The following PCDHGA8 variants were observed in gnomAD, a reference collection of about 807,000 sequenced individuals.
PCDHGA8 encodes the protein protocadherin gamma subfamily A, 8, also known as protocadherin gamma-A8.
A neutral mutation model predicts 59.2 loss-of-function variants in PCDHGA8; 45 were observed. The observed-to-expected ratio is 0.76, with a 90% CI of 0.60 to 0.98. The LOEUF (loss-of-function observed/expected upper bound fraction) is 0.98. Among genes scored for constraint, PCDHGA8 ranks in the 50% least tolerant of loss-of-function variants. PCDHGA8 has a pLI of 0.00. For missense variants in PCDHGA8, 1,257 were observed against 1,196.2 expected (o/e 1.05, Z -0.75); for synonymous variants, 531 against 519.0 (o/e 1.02, Z -0.32).
chr5:141,450,071 A>G (rs1039802551), intron 1 of PCDHGA8, among the ~76,000 whole-genome samples: 3 of 139,286 alleles, frequency 2.2e-5, no homozygotes, highest in Non-Finnish European at 3.0e-5. Flanking sequence ...CAGTGGTATG[A>G]TCTTGGCTCA....
At chr5:141,444,434 G>A (rs761353277) in intron 1 of PCDHGA8, among the ~76,000 whole-genome samples, 16 of 152,196 alleles carry the variant, frequency 1.1e-4, no homozygotes, top group Admixed American at 7.2e-4. Flanking sequence ...GCCTCCCAAA[G>A]TGCTGGGATT....
At chr5:141,474,159 G>A (rs2154571930) in intron 1 of PCDHGA8, among the ~76,000 whole-genome samples, 1 of 152,226 alleles carries the variant, frequency 6.6e-6, no homozygotes, top group South Asian at 2.1e-4. Context: ...GAAAATGACA[G>A]GCCTTATTAT....
intron 1 of PCDHGA8, chr5:141,427,985 C>T (rs747784722): frequency 3.1e-6 from 5 of 1,597,522 alleles, no homozygotes; most frequent in African/African-American, 2.7e-5. Context: ...CGCTGGGGCC[C>T]GATGGCTCCG....
Position 141,501,330 on chromosome 5 carries a change from CA to C in PCDHGA8, c.2484-4062del, listed in dbSNP as rs1562200936. 1.8e-3 allele frequency among the ~76,000 whole-genome samples: 266 copies of C among 151,500 alleles called. 1 individual carries two copies. Among genetic ancestry groups the C allele is most frequent in the African/African-American group, 5.1e-3 (210 of 41,250 alleles). On this transcript the variant is annotated intron_variant, in intron 2 of 3. Transcript: ENST00000398604. ...ACACACACACACACACACACACACACACACCCCAAACTCAATAGGGCAAGAA... is the reference window on the plus strand; with the variant it reads ...ACACACACACACACACACACACACACCACCCCAAACTCAATAGGGCAAGAA...
At chr5:141,469,314 C>A (rs982242861) in intron 1 of PCDHGA8, among the ~76,000 whole-genome samples, 1 of 151,982 alleles carries the variant, frequency 6.6e-6, no homozygotes, top group Non-Finnish European at 1.5e-5. Flanking sequence ...CGATGGCTCA[C>A]GCCTGTAATC....
At position 141,393,319 on chromosome 5, in the gene PCDHGA8, G is replaced by A. The variant is rs2092728293; in HGVS notation, c.506G>A (p.Ser169Asn). The stretch of plus-strand genomic sequence containing the variant: ...GATGTGGGCGTGAACTCCCTCCAGA[G>A]CTACCAGCTCAGCCCCAATCACCAC... The part of the protein sequence containing the change: ...DPDVGVNSLQ[S>N]YQLSPNHHFS... Residue 169 changes from serine (S) to asparagine (N), a missense_variant, in exon 1 of 4, where the codon AGC (serine) becomes AAC (asparagine). Ser to Asn is a conservative substitution (Grantham distance 46). Coordinates refer to ENST00000398604, the MANE Select transcript of PCDHGA8 (RefSeq NM_032088.2). The A allele has an allele frequency of 6.2e-7, 1 of 1,612,192 alleles. No individual in the cohort carries two copies. Among genetic ancestry groups the A allele is most frequent in the Admixed American group, 1.7e-5 (1 of 59,814 alleles).
At position 141,511,235 on chromosome 5, in the gene PCDHGA8, C is replaced by G; in HGVS notation, c.*62C>G. On this transcript the variant is annotated 3_prime_UTR_variant, in exon 4 of 4. Transcript: ENST00000398604. ...CCCCAACCAGCCCAGCTTCTCCTTA[C>G]CTGCACCCAGGCCTCAGAGTTTCAG... 2 of 1,592,936 alleles carry G rather than the reference C, an allele frequency of 1.3e-6. No homozygotes were observed. The highest frequency in any genetic ancestry group is 1.7e-6 in the Non-Finnish European group (2 of 1,169,652).
At chr5:141,419,674 C>A (rs372932653) in intron 1 of PCDHGA8, 1 of 1,612,938 alleles carries the variant, frequency 6.2e-7, no homozygotes, top group Non-Finnish European at 8.5e-7. Flanking sequence ...CCTGGCTGTC[C>A]TACCACGTGG....
intron 1 of PCDHGA8, among the ~76,000 whole-genome samples, chr5:141,439,168 G>C (rs2098092980): frequency 6.6e-6 from 1 of 150,792 alleles, no homozygotes; most frequent in Non-Finnish European, 1.5e-5. Context: ...ACTCCAGCCT[G>C]GGCGACATAG....
chr5:141,409,360 A>G (rs746614262), intron 1 of PCDHGA8: 2 of 1,614,014 alleles, frequency 1.2e-6, no homozygotes, highest in Admixed American at 3.3e-5. Flanking sequence ...GGTGTAATAT[A>G]GAAACAGACA....
Position 141,489,948 on chromosome 5 carries a change from T to G in PCDHGA8, c.2425-4859T>G. The G allele has an allele frequency of 6.2e-7, 1 of 1,614,210 alleles. No homozygotes were observed. Among genetic ancestry groups the G allele is most frequent in the Non-Finnish European group, 8.5e-7 (1 of 1,180,030 alleles). ...TCTCTGTCATCGTGCTGGACATCAA[T>G]GATAATGCTCCAACCTTCCAATCCT... On this transcript the variant is annotated intron_variant, in intron 1 of 3. Transcript: ENST00000398604. The surrounding 1 kb of genome is among the most constrained non-coding windows in gnomAD (Gnocchi z 4.5).
rs191642740 is a variant in PCDHGA8 at position 141,509,833 on chromosome 5, C to T, written c.2573-1114C>T. On this transcript the variant is annotated intron_variant, in intron 3 of 3. Coordinates refer to ENST00000398604, the MANE Select transcript of PCDHGA8 (RefSeq NM_032088.2). ...GAGCTCTTCTCCATCTTCTCTCTAC[C>T]TCCCATTCACTCAGAACAGGGATAA... 2.6e-5 allele frequency among the ~76,000 whole-genome samples: 4 copies of T among 152,300 alleles called. No individual in the cohort carries two copies. The East Asian group carries it at 7.7e-4, about 29-fold the overall frequency.
chr5:141,421,834 CGA>C lies in PCDHGA8; in HGVS notation c.2424+26602_2424+26603del, dbSNP rs763631483. The C allele has an allele frequency of 2.1e-5, 34 of 1,613,630 alleles. No homozygotes were observed. The Admixed American group carries it at 5.5e-4, about 26-fold the overall frequency. ...GCTAGTACTGGAGGGAAGCCTGGAC[CGA>C]GAGAAAGAGGCTGCTCACCTGCTCC... On this transcript the variant is annotated intron_variant, in intron 1 of 3. Transcript: ENST00000398604.
intron 1 of PCDHGA8, chr5:141,404,839 T>C: frequency 6.2e-7 from 1 of 1,613,458 alleles, no homozygotes; most frequent in Non-Finnish European, 8.5e-7. Context: ...TGCGCACAGC[T>C]CGGGCCCTGC....
At chr5:141,419,667 G>T in intron 1 of PCDHGA8, 1 of 1,612,894 alleles carries the variant, frequency 6.2e-7, no homozygotes, top group South Asian at 1.1e-5. Flanking sequence ...CACAATGCCT[G>T]GCTGTCCTAC....
chr5:141,440,931 C>G (rs2098213287), intron 1 of PCDHGA8: 1 of 152,186 alleles, frequency 6.6e-6, no homozygotes, highest in Non-Finnish European at 1.5e-5. Context: ...GTGAGGGCCA[C>G]CAACCAGGAC....
chr5:141,460,097 G>A (rs2098982102), intron 1 of PCDHGA8, among the ~76,000 whole-genome samples: 2 of 151,812 alleles, frequency 1.3e-5, no homozygotes, highest in African/African-American at 2.4e-5. Context: ...AATTATACAT[G>A]TAATTATATA....
intron 1 of PCDHGA8, chr5:141,478,675 G>A (rs1264846161): frequency 6.4e-7 from 1 of 1,551,574 alleles, no homozygotes; most frequent in South Asian, 1.2e-5. Context: ...ACTTTCAACT[G>A]GCCCTTCCTA....
Position 141,394,588 on chromosome 5 carries a change from T to C in PCDHGA8, c.1775T>C (p.Val592Ala). 5 of 1,613,660 alleles carry C rather than the reference T, an allele frequency of 3.1e-6. No individual in the cohort carries two copies. Among genetic ancestry groups the C allele is most frequent in the Non-Finnish European group, 4.2e-6 (5 of 1,180,022 alleles). Reference sequence around the variant, plus strand: ...CGTGGCTACCTGGTGACCAAGGTGGTGGCGGTGGACAGAGACTCGGGCCAG... The same window carrying C: ...CGTGGCTACCTGGTGACCAAGGTGGCGGCGGTGGACAGAGACTCGGGCCAG... ...AERGYLVTKV[V>A]AVDRDSGQNA... is the part of the protein sequence containing the mutation. The change falls in exon 1 of 4, where the codon GTG (valine) becomes GCG (alanine). Residue 592 changes from valine (V) to alanine (A), a missense_variant. Physicochemically the swap from Val to Ala is moderately conservative, Grantham distance 64. Coordinates refer to ENST00000398604, the MANE Select transcript of PCDHGA8 (RefSeq NM_032088.2).
Sources: gnomAD v4.1 joint callset for allele counts (sites outside exome capture counted in the v4.1 genomes callset) on GRCh38, gnomAD v4.1.1 for gene constraint, Gnocchi (gnomAD v3.1) non-coding constraint, MANE v1.5 for transcripts, NCBI Gene and HGNC (gene_info 2026-07-23, HGNC 2026-07-21) for gene names.